Variants in RAB4B observed in about 807,000 individuals in gnomAD.
RAB4B encodes the protein RAB4B, member RAS oncogene family.
A neutral mutation model predicts 28.3 loss-of-function variants in RAB4B; 15 were observed. The observed-to-expected ratio is 0.53, with a 90% confidence interval of 0.35 to 0.82. The LOEUF (loss-of-function observed/expected upper bound fraction) is 0.82. Among genes scored for constraint, RAB4B ranks in the 40% least tolerant of loss-of-function variants. The probability of loss-of-function intolerance (pLI) is 0.01; values close to 1 mark genes in which losing one functional copy is unlikely to be tolerated. For synonymous variants in RAB4B, 108 were observed against 116.3 expected (o/e 0.93, Z 0.46); for missense variants, 244 against 288.5 (o/e 0.85, Z 1.12).
chr19:40,785,552 G>C (rs149271556), intron 5 of RAB4B: 172 of 152,244 alleles, frequency 1.1e-3, no homozygotes, highest in African/African-American at 4.0e-3. Context: ...AAACTCATTT[G>C]AAAACATTGT....
intron 7 of RAB4B, among the ~76,000 whole-genome samples, chr19:40,789,493 C>T (rs1599747405): frequency 6.9e-6 from 1 of 145,606 alleles, no homozygotes; most frequent in Non-Finnish European, 1.5e-5. Flanking sequence ...GGAGCCACCA[C>T]GCCCAGCCTT....
In RAB4B at chr19:40,778,365, G is replaced by C; in HGVS notation, c.-11G>C. ...CGCCATATTGCGGCCCTCAGCGGCC[G>C]CGACCGAGTCATGGCTGAGACCTAC... On this transcript the variant is annotated 5_prime_UTR_variant, in exon 1 of 8. Coordinates refer to ENST00000357052, the MANE Select transcript of RAB4B (RefSeq NM_016154.5). 1 of 1,483,740 alleles carries C rather than the reference G, an allele frequency of 6.7e-7. No homozygotes were observed. Among genetic ancestry groups the C allele is most frequent in the Non-Finnish European group, 8.9e-7 (1 of 1,125,374 alleles). 91.9% of individuals were successfully genotyped at this position (1,483,740 alleles called of 1,614,324 possible). A position where few individuals can be genotyped will look rare whatever the true frequency, so the allele number is the denominator to read the frequency against.
Position 40,791,630 on chromosome 19 carries a change from C to A in RAB4B, c.*15+4652C>A, listed in dbSNP as rs191273231. Among the ~76,000 whole-genome samples the A allele has an allele frequency of 2.8e-3, 421 of 152,064 alleles. 4 individuals are homozygous for A. The highest frequency in any genetic ancestry group is 9.1e-3 in the African/African-American group (377 of 41,500). On this transcript the variant is annotated intron_variant, in intron 7 of 7. Transcript: ENST00000357052. ...AGGCAGCACTACTTGTTCCTCCAGG[C>A]TTGGTCCAAACTTTTGTTTTTTTTT...
In RAB4B at chr19:40,780,060, G is replaced by A; in HGVS notation, c.58G>A (p.Gly20Ser). 6.2e-7 allele frequency: 1 copy of A among 1,611,430 alleles called. No individual in the cohort carries two copies. Among genetic ancestry groups the A allele is most frequent in the Non-Finnish European group, 8.5e-7 (1 of 1,177,556 alleles). ...KFLVIGSAGTGKSCLLHQFIE... is the reference protein window; with the variant it reads ...KFLVIGSAGTSKSCLLHQFIE... ...CCTGGTGATTGGCAGTGCAGGAACTGGCAAATCATGTCTCCTTCATCAGTT... is the reference window on the plus strand; with the variant it reads ...CCTGGTGATTGGCAGTGCAGGAACTAGCAAATCATGTCTCCTTCATCAGTT... The change falls in exon 2 of 8, where the codon GGC (glycine) becomes AGC (serine). Residue 20 changes from glycine (G) to serine (S), a missense_variant. By Grantham distance (56) the Gly-to-Ser change is moderately conservative. Coordinates refer to ENST00000357052, the MANE Select transcript of RAB4B (RefSeq NM_016154.5).
rs374196668 is a variant in RAB4B at position 40,786,687 on chromosome 19, C to T, written c.453C>T (p.Ser151=). Residue 151 remains serine (S), a synonymous_variant, in exon 6 of 8, where the codon AGC becomes AGT. Coordinates refer to ENST00000357052, the MANE Select transcript of RAB4B (RefSeq NM_016154.5). The part of the protein sequence containing the change: ...QENELMFLET[S]ALTGENVEEA... ...CAGAGCTGATGTTCCTGGAGACCAG[C>T]GCTCTCACAGGCGAGAACGTGGAGG... The T allele has an allele frequency of 8.1e-6, 13 of 1,613,944 alleles. No homozygotes were observed. Among genetic ancestry groups the T allele is most frequent in the South Asian group, 3.3e-5 (3 of 91,082 alleles).
At chr19:40,787,606 G>A (rs2083113377) in intron 7 of RAB4B, among the ~76,000 whole-genome samples, 3 of 137,872 alleles carry the variant, frequency 2.2e-5, no homozygotes, top group Admixed American at 1.6e-4. Context: ...GAGCCAGCAG[G>A]GGAGAGGCCC....
intron 7 of RAB4B, among the ~76,000 whole-genome samples, chr19:40,788,482 A>T (rs1401234793): frequency 1.7e-5 from 2 of 116,418 alleles, no homozygotes; most frequent in South Asian, 5.3e-4. Context: ...CGAGACTCTT[A>T]AAAAAAAAAA....
At chr19:40,780,559 T>A in intron 3 of RAB4B, 60 bp downstream of exon 3, 1 of 1,411,764 alleles carries the variant, frequency 7.1e-7, no homozygotes, top group Non-Finnish European at 9.9e-7. Context: ...AAGAGAGAGA[T>A]GTGTGTGTAG....
At chr19:40,786,424 C>T (rs1287663767) in intron 5 of RAB4B, 2 of 507,746 alleles carry the variant, frequency 3.9e-6, no homozygotes, top group Non-Finnish European at 7.0e-6. Flanking sequence ...CCTGACTCAG[C>T]CCAGGAAGTC....
intron 3 of RAB4B, among the ~76,000 whole-genome samples, chr19:40,781,195 G>T (rs577023267): frequency 6.6e-6 from 1 of 151,188 alleles, no homozygotes; most frequent in African/African-American, 2.4e-5. Context: ...GCTGAGGCAG[G>T]AGAATTGCTT....
At chr19:40,795,485 CGCCTCCTGGGT>C (rs2083201301) in intron 7 of RAB4B, among the ~76,000 whole-genome samples, 1 of 151,630 alleles carries the variant, frequency 6.6e-6, no homozygotes, top group Non-Finnish European at 1.5e-5. Flanking sequence ...CTGCAACCTC[CGCCTCCTGGGT>C]TCAAGTGATT....
chr19:40,791,750 A>G (rs1361538565), intron 7 of RAB4B, among the ~76,000 whole-genome samples: 1 of 151,958 alleles, frequency 6.6e-6, no homozygotes, highest in Non-Finnish European at 1.5e-5. Flanking sequence ...CTGGTGCCCC[A>G]GCCTCCTGAG....
rs1483720880 is a variant in RAB4B at position 40,795,570 on chromosome 19, T to A, written c.*16-1000T>A. ...ACCTACCACCACGCCTGGCTAATTT[T>A]TGTATTTTTAGTAGAGACGGGGTTT... On this transcript the variant is annotated intron_variant, in intron 7 of 7. Coordinates refer to ENST00000357052, the MANE Select transcript of RAB4B (RefSeq NM_016154.5). Among the ~76,000 whole-genome samples, 5 of 151,686 alleles carry A rather than the reference T, an allele frequency of 3.3e-5. No individual in the cohort carries two copies. In the East Asian group the frequency reaches 9.7e-4, roughly 29 times the overall value.
At chr19:40,789,394 G>C (rs1230139975) in intron 7 of RAB4B, among the ~76,000 whole-genome samples, 1 of 149,458 alleles carries the variant, frequency 6.7e-6, no homozygotes, top group Non-Finnish European at 1.5e-5. Flanking sequence ...TAGAGACGGG[G>C]TTTCTCCGTG....
chr19:40,783,710 C>A, intron 3 of RAB4B, 68 bp from the exon 4 acceptor site: 1 of 1,459,876 alleles, frequency 6.8e-7, no homozygotes. Context: ...CAGTCTGTCT[C>A]TGTAGAGGGG....
At chr19:40,783,685 G>T (rs929498284) in intron 3 of RAB4B, 93 bp from the exon 4 acceptor site, 11 of 1,269,920 alleles carry the variant, frequency 8.7e-6, no homozygotes, top group Non-Finnish European at 1.2e-5. Flanking sequence ...GTGAAGGGGG[G>T]GGCCTCCGAA....
chr19:40,781,300 AAATAAATAAATG>A lies in RAB4B; in HGVS notation c.212+813_212+824del, dbSNP rs1464058552. 2.0e-5 allele frequency among the ~76,000 whole-genome samples: 3 copies of A among 148,958 alleles called. No individual in the cohort carries two copies. In the South Asian group the frequency reaches 6.3e-4, roughly 31 times the overall value. On this transcript the variant is annotated intron_variant, in intron 3 of 7. Coordinates refer to ENST00000357052, the MANE Select transcript of RAB4B (RefSeq NM_016154.5). ...AGACTCTGTCTCTGAATAAATAAAT[AAATAAATAAATG>A]AATAAATAAATAAATAAATAAATAA...
At chr19:40,792,756 G>T (rs1231985961) in intron 7 of RAB4B, among the ~76,000 whole-genome samples, 3 of 152,162 alleles carry the variant, frequency 2.0e-5, no homozygotes, top group African/African-American at 7.2e-5. Flanking sequence ...CCACTTCTGT[G>T]TTGTTCCAGA....
intron 1 of RAB4B, chr19:40,779,074 T>C: frequency 1.0e-6 from 1 of 966,896 alleles, no homozygotes; most frequent in African/African-American, 1.8e-5. Flanking sequence ...CAGCTTGTCA[T>C]TTTCAGGGAA....
Sources: allele counts gnomAD v4.1 joint callset (sites outside exome capture counted in the v4.1 genomes callset), GRCh38; gene constraint gnomAD v4.1.1; transcripts MANE v1.5; gene names NCBI Gene and HGNC (gene_info 2026-07-23, HGNC 2026-07-21).